Variants in LIMK1 observed in about 807,000 individuals in gnomAD.
LIMK1 encodes the protein LIM domain kinase 1, also known as LIM motif-containing protein kinase.
In LIMK1, 21 loss-of-function variants were observed where a neutral mutation model predicts 77.6. That is an observed-to-expected ratio of 0.27 (90% CI 0.19 to 0.39). The LOEUF is 0.39. Ranked by LOEUF, LIMK1 falls within the 10% of genes least tolerant of loss-of-function variation. LIMK1 has a pLI of 1.00. For missense variants in LIMK1, 696 were observed against 901.6 expected, an observed-to-expected ratio of 0.77 and a Z score of 2.92; for synonymous variants, 358 against 370.0, an observed-to-expected ratio of 0.97 and a Z score of 0.37.
At chr7:74,103,142 A>G (rs1799502178) in intron 5 of LIMK1, among the ~76,000 whole-genome samples, 1 of 152,092 alleles carries the variant, frequency 6.6e-6, no homozygotes, top group Non-Finnish European at 1.5e-5. Flanking sequence ...TGCTGGGTTT[A>G]CAGGCATGAG....
rs782257199 is a variant in LIMK1 at position 74,121,304 on chromosome 7, C to T, written c.*3C>T. 3 of 1,581,394 alleles carry T rather than the reference C, an allele frequency of 1.9e-6. No homozygotes were observed. Among genetic ancestry groups the T allele is most frequent in the African/African-American group, 2.7e-5 (2 of 74,310 alleles). On this transcript the variant is annotated 3_prime_UTR_variant, in exon 16 of 16. Transcript: ENST00000336180. Reference sequence around the variant, plus strand: ...CCCACCCTGAGGTCCCCGACTGAGCCAGGGCCACTCAGCTGCCCCTGTCCC... The same window carrying T: ...CCCACCCTGAGGTCCCCGACTGAGCTAGGGCCACTCAGCTGCCCCTGTCCC...
In LIMK1 at chr7:74,121,346, A is replaced by G; in HGVS notation, c.*45A>G. On this transcript the variant is annotated 3_prime_UTR_variant, in exon 16 of 16. Coordinates refer to ENST00000336180, the MANE Select transcript of LIMK1 (RefSeq NM_002314.4). Reference sequence around the variant, plus strand: ...CCCTGTCCCCACCTCTGGAGAATCCACCCCCACCAGATTCCTCCGCGGGAG... The same window carrying G: ...CCCTGTCCCCACCTCTGGAGAATCCGCCCCCACCAGATTCCTCCGCGGGAG... 1 of 1,489,128 alleles carries G rather than the reference A, an allele frequency of 6.7e-7. No homozygotes were observed. Among genetic ancestry groups the G allele is most frequent in the Non-Finnish European group, 9.0e-7 (1 of 1,115,074 alleles). The allele number at this position is 1,489,128 out of a possible 1,614,324, so 92.2% of individuals were successfully genotyped here. A position where few individuals can be genotyped will look rare whatever the true frequency, so the allele number is the denominator to read the frequency against.
At chr7:74,090,909 T>C (rs979485998) in intron 2 of LIMK1, among the ~76,000 whole-genome samples, 5 of 152,102 alleles carry the variant, frequency 3.3e-5, no homozygotes, top group African/African-American at 1.2e-4. Flanking sequence ...AAGGGGGTGC[T>C]ATTTATTTAT....
At position 74,115,834 on chromosome 7, in the gene LIMK1, G is replaced by C. The variant is rs1554699361; in HGVS notation, c.1443G>C (p.Leu481=). 1 of 1,614,120 alleles carries C rather than the reference G, an allele frequency of 6.2e-7. No individual in the cohort carries two copies. The highest frequency in any genetic ancestry group is 8.5e-7 in the Non-Finnish European group (1 of 1,180,016). ...ATGTGGTGGTGGCTGACTTCGGGCT[G>C]GCGCGTCTCATGGTGGACGAGAAGA... is the stretch of plus-strand genomic sequence containing the variant. ...NKNVVVADFG[L]ARLMVDEKTQ... The change falls in exon 13 of 16, where the codon CTG becomes CTC. Residue 481 remains leucine, a synonymous_variant. Transcript: ENST00000336180.
intron 12 of LIMK1, among the ~76,000 whole-genome samples, chr7:74,114,772 G>C (rs1563923559): frequency 6.6e-6 from 1 of 151,592 alleles, no homozygotes; most frequent in Non-Finnish European, 1.5e-5. Context: ...AAAATTAGCT[G>C]GGCATGGTGG....
intron 11 of LIMK1, 22 bp downstream of exon 11, chr7:74,111,729 G>T: frequency 6.2e-7 from 1 of 1,608,244 alleles, no homozygotes; most frequent in Non-Finnish European, 8.5e-7. Context: ...GGGTGCTCTA[G>T]CTCCATTCAT....
Position 74,115,859 on chromosome 7 carries a change from A to G in LIMK1, c.1468A>G (p.Thr490Ala). The change falls in exon 13 of 16, where the codon ACT becomes GCT. Residue 490 changes from threonine (T) to alanine (A), a missense_variant. Coordinates refer to ENST00000336180, the MANE Select transcript of LIMK1 (RefSeq NM_002314.4). Reference sequence around the variant, plus strand: ...GGCGCGTCTCATGGTGGACGAGAAGACTCAGCCTGAGGGCCTGCGGAGCCT... The same window carrying G: ...GGCGCGTCTCATGGTGGACGAGAAGGCTCAGCCTGAGGGCCTGCGGAGCCT... Reference protein sequence around the residue: ...GLARLMVDEKTQPEGLRSLKK... With the variant: ...GLARLMVDEKAQPEGLRSLKK... 1.2e-6 allele frequency: 2 copies of G among 1,613,950 alleles called. No homozygotes were observed. The highest frequency in any genetic ancestry group is 1.7e-6 in the Non-Finnish European group (2 of 1,179,966).
At chr7:74,090,317 G>A (rs1799212851) in intron 2 of LIMK1, among the ~76,000 whole-genome samples, 1 of 152,056 alleles carries the variant, frequency 6.6e-6, no homozygotes, top group African/African-American at 2.4e-5. Flanking sequence ...AGTGATTGCA[G>A]TGAGTCAAGA....
Position 74,096,646 on chromosome 7 carries a change from G to A in LIMK1, c.177G>A (p.Leu59=). Residue 59 remains leucine (L), a synonymous_variant, in exon 3 of 16, where the codon CTG becomes CTA. Transcript: ENST00000336180. The stretch of plus-strand genomic sequence containing the variant: ...GGTGTTGTGACTGCAGTGCCTCCCT[G>A]TCGCACCAGTACTATGAGAAGGATG... ...CFRCCDCSAS[L]SHQYYEKDGQ... is the part of the protein sequence containing the mutation. The A allele has an allele frequency of 6.2e-7, 1 of 1,614,078 alleles. No homozygotes were observed.
At chr7:74,088,598 T>C (rs376952816) in intron 2 of LIMK1, among the ~76,000 whole-genome samples, 4 of 151,784 alleles carry the variant, frequency 2.6e-5, no homozygotes, top group Middle Eastern at 3.2e-3. Flanking sequence ...CCCAGGAGCT[T>C]GAGACCAGCC....
intron 2 of LIMK1, chr7:74,093,013 G>A (rs1326769211): frequency 2.5e-5 from 21 of 846,616 alleles, no homozygotes; most frequent in Non-Finnish European, 3.2e-5. Context: ...TAGATCGCTC[G>A]CTCCCCACCC....
At chr7:74,087,236 C>A (rs781819417) in intron 2 of LIMK1, among the ~76,000 whole-genome samples, 1 of 151,990 alleles carries the variant, frequency 6.6e-6, no homozygotes, top group Non-Finnish European at 1.5e-5. Context: ...CACCCTGTCT[C>A]CACTGAAAAT....
intron 3 of LIMK1, 136 bp from the exon 4 acceptor site, chr7:74,096,944 C>A: frequency 1.9e-6 from 2 of 1,039,184 alleles, no homozygotes; most frequent in Non-Finnish European, 1.4e-6. Context: ...CAGCTCTGTC[C>A]AGGAGCTCAG....
intron 5 of LIMK1, among the ~76,000 whole-genome samples, chr7:74,105,229 C>A (rs1279378302): frequency 1.3e-5 from 2 of 152,124 alleles, no homozygotes; most frequent in African/African-American, 4.8e-5. Flanking sequence ...GTTGGGATTA[C>A]AGGTGTGAGC....
At position 74,106,993 on chromosome 7, in the gene LIMK1, C is replaced by T; in HGVS notation, c.882-17C>T. The T allele has an allele frequency of 6.4e-7, 1 of 1,555,652 alleles. No homozygotes were observed. The highest frequency in any genetic ancestry group is 8.7e-7 in the Non-Finnish European group (1 of 1,150,648). ...ACCTGTCCCCCGGTGGCACTTGGCACCATGTGTGCCCCCCAGGAGGAGCTG... is the reference window on the plus strand; with the variant it reads ...ACCTGTCCCCCGGTGGCACTTGGCATCATGTGTGCCCCCCAGGAGGAGCTG... On this transcript the variant is annotated splice_polypyrimidine_tract_variant and intron_variant, in intron 7 of 15. Coordinates refer to ENST00000336180, the MANE Select transcript of LIMK1 (RefSeq NM_002314.4).
chr7:74,116,728 G>C (rs1799821016), intron 13 of LIMK1, among the ~76,000 whole-genome samples: 2 of 148,556 alleles, frequency 1.3e-5, no homozygotes, highest in Non-Finnish European at 3.0e-5. Context: ...TTTAAAGAGG[G>C]TCTCGCTCTG....
At chr7:74,112,041 A>G in intron 12 of LIMK1, 43 bp downstream of exon 12, 1 of 1,488,374 alleles carries the variant, frequency 6.7e-7, no homozygotes, top group Non-Finnish European at 9.2e-7. Flanking sequence ...AGGAGACAGC[A>G]GGAGCCCATC....
At chr7:74,108,519 G>A (rs1799628603) in intron 9 of LIMK1, among the ~76,000 whole-genome samples, 1 of 151,860 alleles carries the variant, frequency 6.6e-6, no homozygotes, top group African/African-American at 2.4e-5. Flanking sequence ...ATGGTGGTGA[G>A]TGCCTGTCAT....
intron 10 of LIMK1, 97 bp downstream of exon 10, chr7:74,109,133 C>A: frequency 1.0e-6 from 1 of 954,352 alleles, no homozygotes; most frequent in Non-Finnish European, 1.6e-6. Flanking sequence ...TGGGGGGAAG[C>A]CACAGGGGTC....
Sources: gnomAD v4.1 joint callset for allele counts (sites outside exome capture counted in the v4.1 genomes callset) on GRCh38, gnomAD v4.1.1 for gene constraint, MANE v1.5 for transcripts, NCBI Gene and HGNC (gene_info 2026-07-23, HGNC 2026-07-21) for gene names.